MORC1: variants seen among roughly 807,000 people sequenced by gnomAD.
MORC1 encodes MORC family CW-type zinc finger 1, also known as MORC family CW-type zinc finger protein 1.
Under a neutral mutation model 134.9 loss-of-function variants are expected in MORC1, and 59 were observed. The ratio of observed to expected loss-of-function variants is 0.44; its 90% CI spans 0.35 to 0.54. The LOEUF (loss-of-function observed/expected upper bound fraction) is 0.54. MORC1 is among the 20% of genes least tolerant of loss of function. The pLI is 0.00. For missense variants in MORC1, 947 were observed against 1,134.5 expected (o/e 0.83, Z 2.37); for synonymous variants, 395 against 391.7 (o/e 1.01, Z -0.10).
chr3:109,114,258 G>A (rs1041783924), intron 2 of MORC1, 126 bp downstream of exon 2: 4 of 749,534 alleles, frequency 5.3e-6, no homozygotes, highest in Admixed American at 3.6e-5. Context: ...TGATTTTATA[G>A]GAAATCAAGT....
chr3:109,044,961 G>A (rs111796199), intron 14 of MORC1, among the ~76,000 whole-genome samples: 12,011 of 103,268 alleles, frequency 0.12, 1,097 homozygotes, highest in African/African-American at 0.24. Flanking sequence ...AAAAAAAAAA[G>A]AAAAAGAAAT....
chr3:109,054,894 T>C lies in MORC1; in HGVS notation c.1176-12A>G, dbSNP rs1949920581. ...CGCCTGCGCCAAGTCTGAGAAAATATATGCATATTTAAATTTTGAAAATTT... is the reference window on the plus strand; with the variant it reads ...CGCCTGCGCCAAGTCTGAGAAAATACATGCATATTTAAATTTTGAAAATTT... On this transcript the variant is annotated splice_polypyrimidine_tract_variant and intron_variant, in intron 13 of 27. Coordinates refer to ENST00000232603, the MANE Select transcript of MORC1 (RefSeq NM_014429.4). 1 of 1,580,584 alleles carries C rather than the reference T, an allele frequency of 6.3e-7. No homozygotes were observed.
At chr3:108,980,320 T>C (rs186480459) in intron 23 of MORC1, among the ~76,000 whole-genome samples, 38 of 152,252 alleles carry the variant, frequency 2.5e-4, no homozygotes, top group Admixed American at 6.5e-4. Context: ...ACAGTTGATT[T>C]ACAATCCAAA....
intron 2 of MORC1, among the ~76,000 whole-genome samples, chr3:109,111,050 T>TTAAA (rs1951155975): frequency 1.8e-5 from 2 of 113,864 alleles, no homozygotes; most frequent in Non-Finnish European, 1.8e-5. Flanking sequence ...GGATATAATT[T>TTAAA]AAAAAAAAAA....
chr3:109,009,949 G>C (rs1014987385), intron 17 of MORC1, among the ~76,000 whole-genome samples: 1 of 152,016 alleles, frequency 6.6e-6, no homozygotes, highest in African/African-American at 2.4e-5. Flanking sequence ...CCTTCTTACT[G>C]CTATCATTCA....
intron 13 of MORC1, among the ~76,000 whole-genome samples, chr3:109,056,663 C>A (rs1410162750): frequency 6.6e-6 from 1 of 152,178 alleles, no homozygotes; most frequent in East Asian, 1.9e-4. Flanking sequence ...AGTATAGTGC[C>A]TGGCATACAA....
chr3:109,077,445 T>C (rs1253903114), intron 8 of MORC1, among the ~76,000 whole-genome samples: 1 of 152,132 alleles, frequency 6.6e-6, no homozygotes, highest in African/African-American at 2.4e-5. Context: ...GATAAATACA[T>C]ACTAAGACCA....
chr3:109,116,441 A>T (rs1457368238), intron 1 of MORC1, among the ~76,000 whole-genome samples: 1 of 152,170 alleles, frequency 6.6e-6, no homozygotes, highest in Non-Finnish European at 1.5e-5. Context: ...GGAGAAATTT[A>T]AAAATCACTC....
At chr3:109,026,485 C>A (rs943279330) in intron 17 of MORC1, among the ~76,000 whole-genome samples, 8 of 152,118 alleles carry the variant, frequency 5.3e-5, no homozygotes, top group African/African-American at 1.9e-4. Context: ...AAACAACAAG[C>A]TAATTAAGTC....
intron 21 of MORC1, 118 bp downstream of exon 21, chr3:109,000,439 A>G: frequency 1.4e-6 from 1 of 715,190 alleles, no homozygotes; most frequent in Non-Finnish European, 2.2e-6. Flanking sequence ...TTATTTCTTC[A>G]TCTCAAAACT....
intron 2 of MORC1, among the ~76,000 whole-genome samples, chr3:109,112,295 C>A (rs1259320620): frequency 2.6e-5 from 4 of 152,186 alleles, no homozygotes; most frequent in Non-Finnish European, 5.9e-5. Flanking sequence ...ACCACACATT[C>A]TTCTTCTCTC....
chr3:109,084,421 A>C (rs975994053), intron 8 of MORC1, among the ~76,000 whole-genome samples: 5 of 152,156 alleles, frequency 3.3e-5, no homozygotes, highest in African/African-American at 1.2e-4. Context: ...CAAAGAATAT[A>C]AAACACCTAG....
At chr3:109,065,789 G>T (rs1453146563) in intron 9 of MORC1, among the ~76,000 whole-genome samples, 1 of 152,076 alleles carries the variant, frequency 6.6e-6, no homozygotes, top group East Asian at 1.9e-4. Flanking sequence ...TGGTGGATTG[G>T]ATTTTTTAAA....
chr3:109,109,159 A>T (rs895115591), intron 3 of MORC1, among the ~76,000 whole-genome samples: 2 of 151,966 alleles, frequency 1.3e-5, no homozygotes, highest in Non-Finnish European at 2.9e-5. Flanking sequence ...ACCCTCTTAG[A>T]CCACCCATGA....
At chr3:109,066,848 A>AAG (rs1950208614) in intron 9 of MORC1, among the ~76,000 whole-genome samples, 1 of 152,218 alleles carries the variant, frequency 6.6e-6, no homozygotes, top group East Asian at 1.9e-4. Context: ...AAAGGTCCAC[A>AAG]ACTAGTAAAT....
At chr3:109,034,411 T>C (rs556072792) in intron 15 of MORC1, among the ~76,000 whole-genome samples, 11 of 152,324 alleles carry the variant, frequency 7.2e-5, no homozygotes, top group African/African-American at 2.6e-4. Context: ...GTGTAGTGGC[T>C]AGAAAACATA....
chr3:108,977,140 C>T (rs542764788), intron 24 of MORC1, among the ~76,000 whole-genome samples: 2 of 152,184 alleles, frequency 1.3e-5, no homozygotes, highest in Admixed American at 1.3e-4. Flanking sequence ...GCATGGGATT[C>T]CAAATCAGAA....
chr3:109,115,328 A>AACACACAC (rs58831825), intron 1 of MORC1, among the ~76,000 whole-genome samples: 11 of 148,662 alleles, frequency 7.4e-5, no homozygotes, highest in South Asian at 2.1e-4. Context: ...GTATTTTTAA[A>AACACACAC]ACACACACAC....
chr3:109,106,000 T>C (rs1951025925), intron 3 of MORC1, among the ~76,000 whole-genome samples: 1 of 152,218 alleles, frequency 6.6e-6, no homozygotes, highest in Admixed American at 6.5e-5. Context: ...CAAAGGCTGA[T>C]ATTTCCTCAC....
Sources: gnomAD v4.1 joint callset for allele counts (sites outside exome capture counted in the v4.1 genomes callset) on GRCh38, gnomAD v4.1.1 for gene constraint, MANE v1.5 for transcripts, NCBI Gene and HGNC (gene_info 2026-07-23, HGNC 2026-07-21) for gene names.